ITGA1: variants seen among roughly 807,000 people sequenced by gnomAD.
ITGA1 encodes integrin subunit alpha 1, also known as integrin alpha-1.
Under a neutral mutation model 145.9 loss-of-function variants are expected in ITGA1, and 85 were observed. The observed-to-expected ratio is 0.58, with a 90% confidence interval of 0.49 to 0.70. The LOEUF (loss-of-function observed/expected upper bound fraction) is 0.70. Among genes scored for constraint, ITGA1 ranks in the 30% least tolerant of loss-of-function variants. The probability of loss-of-function intolerance (pLI) is 0.00; values close to 1 mark genes in which losing one functional copy is unlikely to be tolerated. For synonymous variants in ITGA1, 520 were observed against 495.3 expected, an observed-to-expected ratio of 1.05 and a Z score of -0.66; for missense variants, 1,351 against 1,418.7, an observed-to-expected ratio of 0.95 and a Z score of 0.77.
chr5:52,941,911 T>C (rs1751058998), intron 26 of ITGA1, among the ~76,000 whole-genome samples: 1 of 152,114 alleles, frequency 6.6e-6, no homozygotes, highest in Non-Finnish European at 1.5e-5. Context: ...TAGTTAAAGG[T>C]CTTATATTTA....
At chr5:52,792,077 G>A (rs1168683787) in intron 1 of ITGA1, among the ~76,000 whole-genome samples, 1 of 152,110 alleles carries the variant, frequency 6.6e-6, no homozygotes, top group Non-Finnish European at 1.5e-5. Context: ...TGATTTTTAG[G>A]TGTACAGCAT....
chr5:52,849,615 A>T, intron 2 of ITGA1, 130 bp downstream of exon 2: 1 of 853,996 alleles, frequency 1.2e-6, no homozygotes, highest in Non-Finnish European at 1.7e-6. Context: ...AATGCAGTCT[A>T]GTCATTTGGC....
At chr5:52,924,824 C>T (rs932059936) in intron 18 of ITGA1, among the ~76,000 whole-genome samples, 2 of 152,040 alleles carry the variant, frequency 1.3e-5, no homozygotes, top group African/African-American at 2.4e-5. Flanking sequence ...GGTGGAGAGG[C>T]GGTCAATGAA....
chr5:52,901,924 T>C (rs1485511753), intron 11 of ITGA1: 3 of 152,184 alleles, frequency 2.0e-5, no homozygotes, highest in Non-Finnish European at 2.9e-5. Flanking sequence ...TTTGCCAACA[T>C]AAAGTCTAAT....
chr5:52,855,586 CA>C (rs1257950373), intron 2 of ITGA1, among the ~76,000 whole-genome samples: 13 of 152,028 alleles, frequency 8.6e-5, no homozygotes, highest in Non-Finnish European at 5.9e-5. Context: ...GAATAGAGAA[CA>C]AAAATTAAAT....
At chr5:52,880,846 T>C (rs1284700775) in intron 6 of ITGA1, among the ~76,000 whole-genome samples, 2 of 152,196 alleles carry the variant, frequency 1.3e-5, no homozygotes, top group Admixed American at 6.5e-5. Context: ...TCATCTTCAG[T>C]CACAATTTTT....
chr5:52,937,920 T>C (rs1485139996), intron 24 of ITGA1, among the ~76,000 whole-genome samples: 1 of 151,932 alleles, frequency 6.6e-6, no homozygotes, highest in Non-Finnish European at 1.5e-5. Flanking sequence ...TCACCTGGCC[T>C]TCTCTGTGTT....
chr5:52,834,659 G>GAGAAAGAA (rs148839764), intron 1 of ITGA1, among the ~76,000 whole-genome samples: 1 of 150,256 alleles, frequency 6.7e-6, no homozygotes, highest in South Asian at 2.1e-4. Flanking sequence ...GAAAAAGAAA[G>GAGAAAGAA]AGAAAGAAAG....
chr5:52,806,167 A>C (rs1039275761), intron 1 of ITGA1, among the ~76,000 whole-genome samples: 1 of 151,838 alleles, frequency 6.6e-6, no homozygotes, highest in Admixed American at 6.6e-5. Context: ...AGATTTTCCT[A>C]ATGTATTATA....
intron 1 of ITGA1, among the ~76,000 whole-genome samples, chr5:52,834,514 AAAG>A (rs909714524): frequency 6.6e-6 from 1 of 151,282 alleles, no homozygotes; most frequent in African/African-American, 2.4e-5. Context: ...AAAGAGAGAG[AAAG>A]AAGAAAGGGA....
intron 6 of ITGA1, among the ~76,000 whole-genome samples, chr5:52,870,595 C>T (rs1031462714): frequency 6.6e-6 from 1 of 152,324 alleles, no homozygotes; most frequent in East Asian, 1.9e-4. Context: ...ATTGTCAGAG[C>T]ATGACAGCAG....
In ITGA1 at chr5:52,898,319, C is replaced by A. The variant is rs771328983; in HGVS notation, c.1245C>A (p.Ile415=). 9 of 1,611,254 alleles carry A rather than the reference C, an allele frequency of 5.6e-6. No individual in the cohort carries two copies. The highest frequency in any genetic ancestry group is 7.6e-6 in the Non-Finnish European group (9 of 1,178,206). Residue 415 remains isoleucine (I), a synonymous_variant, in exon 11 of 29, where the codon ATC becomes ATA. Coordinates refer to ENST00000282588, the MANE Select transcript of ITGA1 (RefSeq NM_181501.2). The stretch of plus-strand genomic sequence containing the variant: ...TGCAGAAGGCTAGTCAAATCATAAT[C>A]CCTCGAAACACAACCTTTAATGTTG... ...VVMQKASQII[I]PRNTTFNVES...
At chr5:52,811,013 G>C (rs1748676381) in intron 1 of ITGA1, among the ~76,000 whole-genome samples, 1 of 152,182 alleles carries the variant, frequency 6.6e-6, no homozygotes, top group African/African-American at 2.4e-5. Flanking sequence ...CAATAAAGTA[G>C]CGCAACCAGC....
chr5:52,903,431 A>G (rs1750347730), intron 11 of ITGA1: 1 of 152,220 alleles, frequency 6.6e-6, no homozygotes, highest in South Asian at 2.1e-4. Context: ...TCGAAAAAAT[A>G]TTTTAGATTC....
intron 11 of ITGA1, chr5:52,902,032 T>C (rs1357282162): frequency 6.6e-6 from 1 of 152,110 alleles, no homozygotes; most frequent in Non-Finnish European, 1.5e-5. Flanking sequence ...AAATCTGAAA[T>C]GAAGTTTTCA....
At chr5:52,871,666 T>A (rs956103374) in intron 6 of ITGA1, among the ~76,000 whole-genome samples, 2 of 152,006 alleles carry the variant, frequency 1.3e-5, no homozygotes, top group Non-Finnish European at 2.9e-5. Flanking sequence ...TTACATTAAG[T>A]TTTCCATGTG....
At chr5:52,827,221 T>C (rs754217040) in intron 1 of ITGA1, among the ~76,000 whole-genome samples, 3 of 151,856 alleles carry the variant, frequency 2.0e-5, no homozygotes, top group Non-Finnish European at 4.4e-5. Flanking sequence ...AGATAGTAAC[T>C]GCAGATACGG....
intron 1 of ITGA1, among the ~76,000 whole-genome samples, chr5:52,841,001 A>G (rs1239893076): frequency 6.6e-6 from 1 of 152,252 alleles, no homozygotes; most frequent in Non-Finnish European, 1.5e-5. Flanking sequence ...ACAGGACTTT[A>G]GCACTAAAAG....
intron 14 of ITGA1, among the ~76,000 whole-genome samples, chr5:52,913,887 A>G (rs536586640): frequency 1.3e-5 from 2 of 152,316 alleles, no homozygotes; most frequent in African/African-American, 4.8e-5. Flanking sequence ...TTGATAAATA[A>G]TTTGTTTCTG....
Sources: gnomAD v4.1 joint callset for allele counts (sites outside exome capture counted in the v4.1 genomes callset) on GRCh38, gnomAD v4.1.1 for gene constraint, MANE v1.5 for transcripts, NCBI Gene and HGNC (gene_info 2026-07-23, HGNC 2026-07-21) for gene names.